CELF2: variants seen among roughly 807,000 people sequenced by gnomAD.
CELF2 encodes the protein CUGBP Elav-like family member 2.
CELF2 carries 8 observed loss-of-function variants against 62.6 expected under a neutral mutation model. The ratio of observed to expected loss-of-function variants is 0.13; its 90% CI spans 0.07 to 0.23. The LOEUF (loss-of-function observed/expected upper bound fraction) is 0.23. CELF2 is among the 10% of genes least tolerant of loss of function. The probability of loss-of-function intolerance (pLI) is 1.00; values close to 1 mark genes in which losing one functional copy is unlikely to be tolerated. For missense variants in CELF2, 333 were observed against 671.0 expected (o/e 0.50, Z 5.56); for synonymous variants, 258 against 250.0 (o/e 1.03, Z -0.30).
At position 11,145,553 on chromosome 10, in the gene CELF2, C is replaced by G. The variant is rs1295862831; in HGVS notation, c.75-19933C>G. On this transcript the variant is annotated intron_variant, in intron 1 of 12. Transcript: ENST00000633077. This position sits in a 1 kb window ranked among gnomAD's most constrained non-coding sequence, Gnocchi z 4.3. ...AGAATTTTTCTGGGAAATCTATATTCTCAAATCAGCTACTGAAAAGGGTGG... is the reference window on the plus strand; with the variant it reads ...AGAATTTTTCTGGGAAATCTATATTGTCAAATCAGCTACTGAAAAGGGTGG... Among the ~76,000 whole-genome samples, 4 of 152,146 alleles carry G rather than the reference C, an allele frequency of 2.6e-5. No homozygotes were observed. Among genetic ancestry groups the G allele is most frequent in the Non-Finnish European group, 5.9e-5 (4 of 68,036 alleles).
chr10:10,716,026 G>T, the CELF2 span, among the ~76,000 whole-genome samples: 1 of 152,108 alleles, frequency 6.6e-6, no homozygotes, highest in Non-Finnish European at 1.5e-5. Flanking sequence ...TTGTTAGTTA[G>T]AAAAATTCTA....
chr10:11,187,079 T>A (rs962808423), intron 2 of CELF2, among the ~76,000 whole-genome samples: 1 of 152,216 alleles, frequency 6.6e-6, no homozygotes, highest in Non-Finnish European at 1.5e-5. Flanking sequence ...GTTCTGCAAA[T>A]CTTCAGTATC....
intron 2 of CELF2, among the ~76,000 whole-genome samples, chr10:10,922,388 G>A (rs1200970604): frequency 6.6e-6 from 1 of 152,178 alleles, no homozygotes; most frequent in Non-Finnish European, 1.5e-5. Context: ...AGTCAATCCT[G>A]AAATAATGGA....
intron 2 of CELF2, among the ~76,000 whole-genome samples, chr10:11,199,877 G>A (rs1333003226): frequency 6.6e-6 from 1 of 152,180 alleles, no homozygotes; most frequent in Non-Finnish European, 1.5e-5. Context: ...AGGTAACCTG[G>A]AAGTGTCCTA....
rs911220452 is a variant in CELF2 at position 11,300,938 on chromosome 10, C to T, written c.976+12386C>T. Among the ~76,000 whole-genome samples the T allele has an allele frequency of 6.6e-5, 10 of 152,102 alleles. No homozygotes were observed. Among genetic ancestry groups the T allele is most frequent in the South Asian group, 4.1e-4 (2 of 4,832 alleles). On this transcript the variant is annotated intron_variant, in intron 9 of 12. Coordinates refer to ENST00000633077, the MANE Select transcript of CELF2 (RefSeq NM_001326342.2). The surrounding 1 kb of genome is among the most constrained non-coding windows in gnomAD (Gnocchi z 5.5). ...GGCACCGAAGGCAAATTCTTGCTGT[C>T]TTCTGTTAATGTTGTTTTGTTGCAG... is the stretch of plus-strand genomic sequence containing the variant.
chr10:11,108,137 T>C (rs1202664940), intron 1 of CELF2, among the ~76,000 whole-genome samples: 1 of 110,966 alleles, frequency 9.0e-6, no homozygotes, highest in Non-Finnish European at 1.7e-5. Flanking sequence ...AGATGTGCAG[T>C]GCTGATTGGC....
At chr10:10,518,924 A>G in the CELF2 span, among the ~76,000 whole-genome samples, 1 of 152,200 alleles carries the variant, frequency 6.6e-6, no homozygotes, top group Non-Finnish European at 1.5e-5. Context: ...TTCTAAGCAG[A>G]CAACAATTTG....
At chr10:11,120,285 A>G (rs995558718) in intron 1 of CELF2, among the ~76,000 whole-genome samples, 2 of 152,134 alleles carry the variant, frequency 1.3e-5, no homozygotes, top group African/African-American at 2.4e-5. Flanking sequence ...CAAGGAGCAA[A>G]TATTCCCCAA....
At chr10:10,762,610 C>T in the CELF2 span, among the ~76,000 whole-genome samples, 1 of 152,182 alleles carries the variant, frequency 6.6e-6, no homozygotes, top group South Asian at 2.1e-4. Flanking sequence ...AGCATAACCC[C>T]CACCATTTGG....
the CELF2 span, among the ~76,000 whole-genome samples, chr10:10,680,502 A>C: frequency 6.6e-6 from 1 of 152,186 alleles, no homozygotes. Flanking sequence ...TCCCAGAAAC[A>C]TGATGTATGA....
At chr10:10,595,031 C>T in the CELF2 span, among the ~76,000 whole-genome samples, 5,024 of 152,280 alleles carry the variant, frequency 0.033, 192 homozygotes, top group Admixed American at 0.083. Context: ...GCAACATAAA[C>T]GTAGCTGCAA....
chr10:10,941,054 AAAC>A (rs1315978015), intron 2 of CELF2, among the ~76,000 whole-genome samples: 2 of 152,208 alleles, frequency 1.3e-5, no homozygotes, highest in African/African-American at 4.8e-5. Context: ...TGTTCTAGCG[AAAC>A]AACACCAGAG....
rs188792679 is a variant in CELF2, at chr10:11,268,106, G to A, written c.618+1429G>A. On this transcript the variant is annotated intron_variant, in intron 6 of 12. Coordinates refer to ENST00000633077, the MANE Select transcript of CELF2 (RefSeq NM_001326342.2). The surrounding 1 kb of genome is among the most constrained non-coding windows in gnomAD (Gnocchi z 4.7). ...GACACGCAGTTACACGTGTGATGGC[G>A]TTTTGCTTCCCTCTTTCTCTTACTG... is the stretch of plus-strand genomic sequence containing the variant. Among the ~76,000 whole-genome samples, 4 of 152,162 alleles carry A rather than the reference G, an allele frequency of 2.6e-5. No individual in the cohort carries two copies. The highest frequency in any genetic ancestry group is 6.5e-5 in the Admixed American group (1 of 15,268).
chr10:11,314,538 C>T lies in CELF2; in HGVS notation c.1096+280C>T, dbSNP rs548658882. 63 of 474,204 alleles carry T rather than the reference C, an allele frequency of 1.3e-4. No homozygotes were observed. The highest frequency in any genetic ancestry group is 1.0e-3 in the South Asian group (52 of 50,674). The allele number at this position is 474,204 out of a possible 1,614,324, so 29.4% of individuals were successfully genotyped here. On this transcript the variant is annotated intron_variant, in intron 10 of 12. Coordinates refer to ENST00000633077, the MANE Select transcript of CELF2 (RefSeq NM_001326342.2). The surrounding 1 kb of genome is among the most constrained non-coding windows in gnomAD (Gnocchi z 5.3). ...TGGCTGGCAGCTCTTTTCAGGTTTC[C>T]AGGAGTTTGGTTTGGTTTGGTTTCG...
the CELF2 span, among the ~76,000 whole-genome samples, chr10:10,626,264 C>T: frequency 3.9e-5 from 6 of 152,296 alleles, no homozygotes; most frequent in South Asian, 4.1e-4. Context: ...TGGGGATCTA[C>T]ACCAGGGTCC....
At chr10:10,929,154 A>G (rs1444380486) in intron 2 of CELF2, among the ~76,000 whole-genome samples, 1 of 152,186 alleles carries the variant, frequency 6.6e-6, no homozygotes, top group Non-Finnish European at 1.5e-5. Context: ...CTGGAAAGTT[A>G]TTAACCTAAA....
the CELF2 span, among the ~76,000 whole-genome samples, chr10:10,637,265 A>T: frequency 6.6e-6 from 1 of 152,180 alleles, no homozygotes; most frequent in Admixed American, 6.5e-5. Flanking sequence ...CACAAAACAT[A>T]CCTTAGTGTC....
At chr10:10,603,278 G>A in the CELF2 span, among the ~76,000 whole-genome samples, 1 of 152,068 alleles carries the variant, frequency 6.6e-6, no homozygotes, top group Non-Finnish European at 1.5e-5. Flanking sequence ...AGTGCACCGA[G>A]AAGGCCCAAA....
chr10:11,005,057 TAGG>T, upstream of CELF2: 1 of 985,266 alleles, frequency 1.0e-6, no homozygotes, highest in South Asian at 4.7e-5. This position sits in a 1 kb window ranked among gnomAD's most constrained non-coding sequence, Gnocchi z 4.3. Context: ...AGATGGTAAT[TAGG>T]AGAAGTAATA....
Sources: gnomAD v4.1 joint callset for allele counts (sites outside exome capture counted in the v4.1 genomes callset) on GRCh38, gnomAD v4.1.1 for gene constraint, Gnocchi (gnomAD v3.1) non-coding constraint, MANE v1.5 for transcripts, NCBI Gene and HGNC (gene_info 2026-07-23, HGNC 2026-07-21) for gene names.